VPS33A: variants seen among roughly 807,000 people sequenced by gnomAD.
The protein encoded by VPS33A is VPS33A core subunit of CORVET and HOPS complexes.
Under a neutral mutation model 71.8 loss-of-function variants are expected in VPS33A, and 32 were observed. The observed-to-expected ratio is 0.45, with a 90% CI of 0.34 to 0.60. The LOEUF (loss-of-function observed/expected upper bound fraction) is 0.60. Among genes scored for constraint, VPS33A ranks in the 20% least tolerant of loss-of-function variants. The pLI, the probability that VPS33A is intolerant of heterozygous loss-of-function variation, is 0.02. For missense variants in VPS33A, 625 were observed against 748.5 expected, an observed-to-expected ratio of 0.84 and a Z score of 1.92; for synonymous variants, 311 against 292.7, an observed-to-expected ratio of 1.06 and a Z score of -0.64.
intron 9 of VPS33A, among the ~76,000 whole-genome samples, chr12:122,239,018 CA>C (rs57386009): frequency 0.027 from 3,842 of 144,932 alleles, 166 homozygotes; most frequent in African/African-American, 0.089. Context: ...CACACACACA[CA>C]CACCCCCCAG....
At chr12:122,233,542 G>A (rs1382000565) in intron 11 of VPS33A, among the ~76,000 whole-genome samples, 1 of 152,102 alleles carries the variant, frequency 6.6e-6, no homozygotes, top group Non-Finnish European at 1.5e-5. Context: ...AAACATATTG[G>A]GGGGAACTTG....
intron 10 of VPS33A, among the ~76,000 whole-genome samples, chr12:122,236,684 A>G (rs1347040938): frequency 6.6e-6 from 1 of 152,220 alleles, no homozygotes; most frequent in Non-Finnish European, 1.5e-5. Flanking sequence ...AATACTTTCT[A>G]TGAGCTGGGC....
Position 122,238,709 on chromosome 12 carries a change from C to T in VPS33A, c.1180G>A (p.Glu394Lys). 1 of 1,612,986 alleles carries T rather than the reference C, an allele frequency of 6.2e-7. No individual in the cohort carries two copies. The highest frequency in any genetic ancestry group is 8.5e-7 in the Non-Finnish European group (1 of 1,179,788). ...GAGTGCTTTTGGGCGATACAATCCTCAATGTAATTGTTGACCTGGAAATAA... is the reference window on the plus strand; with the variant it reads ...GAGTGCTTTTGGGCGATACAATCCTTAATGTAATTGTTGACCTGGAAATAA... ...IDTDKVNNYI[E>K]DCIAQKHSLI... The change falls in exon 10 of 13, where the codon GAG becomes AAG. Residue 394 changes from glutamate (E) to lysine (K), a missense_variant. By Grantham distance (56) the Glu-to-Lys change is moderately conservative. Transcript: ENST00000267199.
chr12:122,240,048 C>T, intron 8 of VPS33A, 103 bp from the exon 9 acceptor site: 1 of 886,130 alleles, frequency 1.1e-6, no homozygotes, highest in Non-Finnish European at 1.8e-6. Flanking sequence ...AGACATGTGG[C>T]TGGGCACGGT....
chr12:122,231,722 C>G lies in VPS33A; in HGVS notation c.*524G>C, dbSNP rs1954562951. On this transcript the variant is annotated 3_prime_UTR_variant, in exon 13 of 13. Transcript: ENST00000267199. ...GAGCTTAGAAAACTCAAAACCAGTGCTGCTTTTACTCAGGTTGATTTTCTT... is the reference window on the plus strand; with the variant it reads ...GAGCTTAGAAAACTCAAAACCAGTGGTGCTTTTACTCAGGTTGATTTTCTT... 1.2e-5 allele frequency: 2 copies of G among 167,318 alleles called. No individual in the cohort carries two copies. The highest frequency in any genetic ancestry group is 1.3e-4 in the Admixed American group (2 of 15,652). 10.4% of individuals were successfully genotyped at this position (167,318 alleles called of 1,614,324 possible).
intron 4 of VPS33A, among the ~76,000 whole-genome samples, chr12:122,254,071 G>A (rs1954881048): frequency 1.3e-5 from 2 of 152,048 alleles, no homozygotes; most frequent in Admixed American, 6.6e-5. Flanking sequence ...CATACAAGAG[G>A]CAGGTTTTAT....
intron 4 of VPS33A, among the ~76,000 whole-genome samples, chr12:122,259,984 A>G (rs953566894): frequency 3.9e-5 from 6 of 152,122 alleles, no homozygotes; most frequent in African/African-American, 1.2e-4. Flanking sequence ...TCAAGGCTGC[A>G]GTGAGGTATT....
At chr12:122,255,116 G>GAGGA (rs1954899500) in intron 4 of VPS33A, among the ~76,000 whole-genome samples, 1 of 151,396 alleles carries the variant, frequency 6.6e-6, no homozygotes, top group Non-Finnish European at 1.5e-5. Context: ...AAAATAAACA[G>GAGGA]GTTATTTCTC....
chr12:122,243,566 G>A (rs1954741515), intron 7 of VPS33A, among the ~76,000 whole-genome samples: 1 of 152,208 alleles, frequency 6.6e-6, no homozygotes, highest in Admixed American at 6.5e-5. Flanking sequence ...TATAGTCTAT[G>A]AACAAAGCGA....
At chr12:122,247,387 A>G (rs1383114826) in intron 6 of VPS33A, among the ~76,000 whole-genome samples, 1 of 151,636 alleles carries the variant, frequency 6.6e-6, no homozygotes, top group Non-Finnish European at 1.5e-5. Context: ...TGGGTGCTAC[A>G]TGCTCTGGGA....
intron 3 of VPS33A, 139 bp from the exon 4 acceptor site, chr12:122,261,586 A>C: frequency 1.2e-6 from 1 of 808,674 alleles, no homozygotes; most frequent in Non-Finnish European, 1.9e-6. Flanking sequence ...ACTGACTCTC[A>C]GGCCGGGTGC....
intron 4 of VPS33A, 87 bp downstream of exon 4, chr12:122,261,174 G>A: frequency 9.0e-7 from 1 of 1,109,646 alleles, no homozygotes. Flanking sequence ...ATGGGACTCA[G>A]CTTCACAGTA....
chr12:122,258,903 C>G (rs1334470568), intron 4 of VPS33A, among the ~76,000 whole-genome samples: 1 of 150,566 alleles, frequency 6.6e-6, no homozygotes, highest in African/African-American at 2.5e-5. Context: ...ATTGCTTGAG[C>G]CTGGGAGGCC....
chr12:122,259,808 A>C (rs945708584), intron 4 of VPS33A, among the ~76,000 whole-genome samples: 7 of 152,040 alleles, frequency 4.6e-5, no homozygotes, highest in Admixed American at 3.9e-4. Context: ...AATCTCCAGA[A>C]TAAGTTCAAA....
At chr12:122,259,010 CAG>C (rs1954954750) in intron 4 of VPS33A, among the ~76,000 whole-genome samples, 1 of 141,078 alleles carries the variant, frequency 7.1e-6, no homozygotes, top group Admixed American at 7.1e-5. Context: ...AAAAAAAAGA[CAG>C]AATAATAAGT....
At chr12:122,233,258 C>G (rs1428505632) in intron 11 of VPS33A, among the ~76,000 whole-genome samples, 1 of 150,460 alleles carries the variant, frequency 6.6e-6, no homozygotes, top group African/African-American at 2.5e-5. Flanking sequence ...CAGAGTCTGG[C>G]TCTGTCACCC....
chr12:122,250,915 T>C, intron 5 of VPS33A, 68 bp downstream of exon 5: 1 of 1,137,370 alleles, frequency 8.8e-7, no homozygotes, highest in South Asian at 1.3e-5. Flanking sequence ...GTAAGGAGCT[T>C]CCCGTTCCTC....
At chr12:122,238,992 TACATACACAC>T (rs1566039416) in intron 9 of VPS33A, among the ~76,000 whole-genome samples, 1 of 118,606 alleles carries the variant, frequency 8.4e-6, no homozygotes, top group Non-Finnish European at 1.8e-5. Flanking sequence ...CACACATACA[TACATACACAC>T]ACACACACAC....
intron 4 of VPS33A, 142 bp downstream of exon 4, chr12:122,261,119 A>C: frequency 1.5e-6 from 1 of 676,962 alleles, no homozygotes; most frequent in Admixed American, 4.0e-5. Flanking sequence ...AAGAAAATGA[A>C]CAATTTGTTG....
Sources: gnomAD v4.1 joint callset for allele counts (sites outside exome capture counted in the v4.1 genomes callset) on GRCh38, gnomAD v4.1.1 for gene constraint, MANE v1.5 for transcripts, NCBI Gene and HGNC (gene_info 2026-07-23, HGNC 2026-07-21) for gene names.